Variants in PTPRT observed in about 807,000 individuals in gnomAD.
The protein encoded by PTPRT is receptor-type tyrosine-protein phosphatase T.
A neutral mutation model predicts 176.8 loss-of-function variants in PTPRT; 56 were observed. That is an observed-to-expected ratio of 0.32 (90% CI 0.26 to 0.40). The LOEUF is 0.40. Ranked by LOEUF, PTPRT falls within the 10% of genes least tolerant of loss-of-function variation. The pLI, the probability that PTPRT is intolerant of heterozygous loss-of-function variation, is 1.00. For synonymous variants in PTPRT, 783 were observed against 739.0 expected (o/e 1.06, Z -0.96); for missense variants, 1,540 against 1,908.2 (o/e 0.81, Z 3.60).
chr20:42,147,149 T>C (rs1318150653), intron 17 of PTPRT, among the ~76,000 whole-genome samples: 1 of 152,236 alleles, frequency 6.6e-6, no homozygotes. Context: ...GTCACGACTG[T>C]ATCTCCAGAA....
chr20:42,276,783 G>A (rs2057047498), intron 13 of PTPRT, among the ~76,000 whole-genome samples: 1 of 151,362 alleles, frequency 6.6e-6, no homozygotes, highest in Non-Finnish European at 1.5e-5. Context: ...ATGGGAGTAG[G>A]CATTGCCTAT....
intron 1 of PTPRT, among the ~76,000 whole-genome samples, chr20:43,168,447 G>T (rs573040818): frequency 6.6e-6 from 1 of 152,102 alleles, no homozygotes; most frequent in African/African-American, 2.4e-5. Context: ...ATGAGGAAGG[G>T]GGTATCCTCT....
At chr20:42,278,536 G>A (rs1461679176) in intron 13 of PTPRT, among the ~76,000 whole-genome samples, 2 of 151,976 alleles carry the variant, frequency 1.3e-5, no homozygotes, top group Admixed American at 6.6e-5. Context: ...GAACAGATGA[G>A]TACAAGAAAG....
intron 1 of PTPRT, among the ~76,000 whole-genome samples, chr20:42,921,113 G>A (rs1452693098): frequency 3.3e-5 from 5 of 152,154 alleles, no homozygotes; most frequent in Admixed American, 2.6e-4. Context: ...GAGTGATTCC[G>A]ATAATTATAA....
intron 22 of PTPRT, among the ~76,000 whole-genome samples, chr20:42,112,187 A>G (rs1987034756): frequency 4.6e-5 from 7 of 152,210 alleles, no homozygotes; most frequent in Admixed American, 4.6e-4. Flanking sequence ...TACATGAAGG[A>G]TGGATTCAGG....
chr20:42,329,204 A>C (rs2057929085), intron 11 of PTPRT, among the ~76,000 whole-genome samples: 1 of 152,194 alleles, frequency 6.6e-6, no homozygotes, highest in South Asian at 2.1e-4. Flanking sequence ...AGCTCACGTT[A>C]ATACATATAG....
chr20:42,692,454 G>T (rs1015881884), intron 6 of PTPRT, among the ~76,000 whole-genome samples: 1 of 152,176 alleles, frequency 6.6e-6, no homozygotes, highest in Admixed American at 6.5e-5. Context: ...TCACATAGTT[G>T]TCTCAAGAGA....
At chr20:43,119,517 C>T (rs527506666) in intron 1 of PTPRT, among the ~76,000 whole-genome samples, 11 of 152,194 alleles carry the variant, frequency 7.2e-5, no homozygotes, top group Admixed American at 2.6e-4. Flanking sequence ...CATAATCCTT[C>T]ACATGCATCA....
chr20:43,099,777 AG>A (rs2012316370), intron 1 of PTPRT, among the ~76,000 whole-genome samples: 1 of 152,188 alleles, frequency 6.6e-6, no homozygotes, highest in Non-Finnish European at 1.5e-5. Context: ...CTGCCATCAC[AG>A]CCTGCAACAG....
At chr20:42,053,647 G>A in the PTPRT span, among the ~76,000 whole-genome samples, 7 of 152,318 alleles carry the variant, frequency 4.6e-5, no homozygotes, top group East Asian at 1.9e-4. Context: ...AGAGATGGAC[G>A]TCTTGCAAAC....
chr20:42,243,132 CAA>C (rs2056388090), intron 14 of PTPRT, among the ~76,000 whole-genome samples: 1 of 151,580 alleles, frequency 6.6e-6, no homozygotes, highest in South Asian at 2.1e-4. Flanking sequence ...AGAATGAGAC[CAA>C]GAGAATGTAG....
At chr20:42,519,211 A>G (rs1213835788) in intron 7 of PTPRT, among the ~76,000 whole-genome samples, 1 of 152,194 alleles carries the variant, frequency 6.6e-6, no homozygotes, top group Non-Finnish European at 1.5e-5. Flanking sequence ...AGAATGTTAT[A>G]TAAATAGAAT....
At chr20:42,581,205 C>T (rs1000601661) in intron 7 of PTPRT, among the ~76,000 whole-genome samples, 2 of 152,180 alleles carry the variant, frequency 1.3e-5, no homozygotes, top group Non-Finnish European at 2.9e-5. Context: ...AAATCTCTCT[C>T]ATCTCTTTCA....
chr20:42,480,844 C>A (rs192346000), intron 7 of PTPRT, among the ~76,000 whole-genome samples: 1 of 152,084 alleles, frequency 6.6e-6, no homozygotes, highest in Admixed American at 6.5e-5. Flanking sequence ...TAAAAGCAAG[C>A]CTTAGGCCAA....
At chr20:42,110,551 G>C (rs761818838) in intron 22 of PTPRT, 64 bp from the exon 23 acceptor site, 2 of 1,519,222 alleles carry the variant, frequency 1.3e-6, no homozygotes, top group Middle Eastern at 4.2e-4. Flanking sequence ...CCAGCAACAC[G>C]TGGAGCCATA....
rs1023947568 is a variant in PTPRT, at chr20:42,236,173, T to C, written c.2342+56A>G. On this transcript the variant is annotated intron_variant, in intron 15 of 30. Transcript: ENST00000373187. The stretch of plus-strand genomic sequence containing the variant: ...ACACTTGGTTGGTGCAGGAAATGCA[T>C]GCTACAGGTTCCCTTACAGGGCACG... The C allele has an allele frequency of 8.9e-6, 13 of 1,455,470 alleles. No homozygotes were observed. In the Admixed American group the frequency reaches 2.0e-4, roughly 23 times the overall value. 90.2% of individuals were successfully genotyped at this position (1,455,470 alleles called of 1,614,324 possible). A position where few individuals can be genotyped will look rare whatever the true frequency, so the allele number is the denominator to read the frequency against.
rs1033432079 is a variant in PTPRT, at chr20:42,102,284, A to G, written c.3554T>C (p.Val1185Ala). The part of the protein sequence containing the change: ...IKDEFQTLNI[V>A]TPRVRPEDCS... Reference sequence around the variant, plus strand: ...GTCCTCGGGCCGCACACGGGGTGTCACAATGTTGAGGGTCTGTGGGGCACA... The same window carrying G: ...GTCCTCGGGCCGCACACGGGGTGTCGCAATGTTGAGGGTCTGTGGGGCACA... The change falls in exon 26 of 31, where the codon GTG becomes GCG. Residue 1185 changes from valine to alanine, a missense_variant. Around this residue, in one of 11 missense-constraint regions of PTPRT, gnomAD observed 342 missense variants for 394.0 expected, o/e 0.87. Coordinates refer to ENST00000373187, the MANE Select transcript of PTPRT (RefSeq NM_007050.6). 6.2e-7 allele frequency: 1 copy of G among 1,614,038 alleles called. No homozygotes were observed. The highest frequency in any genetic ancestry group is 8.5e-7 in the Non-Finnish European group (1 of 1,179,930).
At chr20:42,511,351 T>C (rs2071952287) in intron 7 of PTPRT, among the ~76,000 whole-genome samples, 1 of 152,112 alleles carries the variant, frequency 6.6e-6, no homozygotes, top group Non-Finnish European at 1.5e-5. Flanking sequence ...CCAAGACTAG[T>C]GTGAGGCAGT....
At chr20:42,086,726 C>CAAA (rs367948746) in intron 27 of PTPRT, among the ~76,000 whole-genome samples, 10 of 82,200 alleles carry the variant, frequency 1.2e-4, no homozygotes, top group African/African-American at 4.3e-4. Flanking sequence ...GACTCCATCT[C>CAAA]AAAAAAAAAA....
Sources: gnomAD v4.1 joint callset for allele counts (sites outside exome capture counted in the v4.1 genomes callset) on GRCh38, gnomAD v4.1.1 for gene constraint, gnomAD v4.1.1 regional missense constraint, MANE v1.5 for transcripts, NCBI Gene and HGNC (gene_info 2026-07-23, HGNC 2026-07-21) for gene names.